The following GRIA4 variants were observed in gnomAD, a reference collection of about 807,000 sequenced individuals.
The protein encoded by GRIA4 is glutamate receptor 4.
A neutral mutation model predicts 104.0 loss-of-function variants in GRIA4; 34 were observed. The ratio of observed to expected loss-of-function variants is 0.33; its 90% CI spans 0.25 to 0.44. GRIA4 has a LOEUF of 0.44. Ranked by LOEUF, GRIA4 falls within the 20% of genes least tolerant of loss-of-function variation. GRIA4 has a pLI of 1.00. For missense variants in GRIA4, 750 were observed against 1,096.5 expected (o/e 0.68, Z 4.46); for synonymous variants, 386 against 381.9 (o/e 1.01, Z -0.13).
At chr11:105,891,830 C>T (rs761538693) in intron 6 of GRIA4, among the ~76,000 whole-genome samples, 1 of 152,146 alleles carries the variant, frequency 6.6e-6, no homozygotes, top group Non-Finnish European at 1.5e-5. Flanking sequence ...TAAAACACTG[C>T]AAGCTCACTG....
At chr11:105,708,314 G>A (rs1255983833) in intron 3 of GRIA4, among the ~76,000 whole-genome samples, 1 of 152,012 alleles carries the variant, frequency 6.6e-6, no homozygotes, top group African/African-American at 2.4e-5. Context: ...TCAACATAGG[G>A]TGGCTGGGAA....
intron 12 of GRIA4, among the ~76,000 whole-genome samples, chr11:105,925,634 T>C (rs1006707422): frequency 6.6e-6 from 1 of 152,124 alleles, no homozygotes; most frequent in Non-Finnish European, 1.5e-5. Context: ...ATAAATATGT[T>C]TAAATTCCAA....
chr11:105,687,637 T>C (rs529662565), intron 3 of GRIA4, among the ~76,000 whole-genome samples: 5 of 152,322 alleles, frequency 3.3e-5, no homozygotes, highest in Non-Finnish European at 7.3e-5. Flanking sequence ...TCTATAGATA[T>C]AAAGCATCTT....
intron 3 of GRIA4, among the ~76,000 whole-genome samples, chr11:105,712,715 T>G (rs963156389): frequency 9.5e-6 from 1 of 105,548 alleles, no homozygotes; most frequent in African/African-American, 3.4e-5. Context: ...TGCTTTGTTT[T>G]TGTTTTTTTT....
intron 6 of GRIA4, among the ~76,000 whole-genome samples, chr11:105,888,508 G>A (rs1004083735): frequency 4.0e-5 from 6 of 151,294 alleles, no homozygotes; most frequent in Non-Finnish European, 8.8e-5. Context: ...GGATGGTCTC[G>A]ATCTCCTGAC....
At chr11:105,974,523 A>G (rs1238360354) in intron 16 of GRIA4, 79 bp downstream of exon 16, 4 of 1,613,740 alleles carry the variant, frequency 2.5e-6, no homozygotes, top group Middle Eastern at 1.6e-4. Flanking sequence ...AGAAGGTTAC[A>G]ACGTATATGG....
At chr11:105,854,583 A>T (rs1320438673) in intron 4 of GRIA4, among the ~76,000 whole-genome samples, 1 of 152,160 alleles carries the variant, frequency 6.6e-6, no homozygotes, top group East Asian at 1.9e-4. Flanking sequence ...GAAATAAAAG[A>T]CATGTAAAGA....
At chr11:105,702,056 T>C (rs1953515384) in intron 3 of GRIA4, among the ~76,000 whole-genome samples, 1 of 152,056 alleles carries the variant, frequency 6.6e-6, no homozygotes, top group Admixed American at 6.6e-5. Flanking sequence ...TGCCGCAGCC[T>C]CCCAAGTAGC....
At chr11:105,943,325 T>C (rs1948227452) in intron 14 of GRIA4, among the ~76,000 whole-genome samples, 1 of 152,098 alleles carries the variant, frequency 6.6e-6, no homozygotes, top group Admixed American at 6.6e-5. Context: ...CATCAAATGT[T>C]TGGCACGGTA....
intron 4 of GRIA4, among the ~76,000 whole-genome samples, chr11:105,854,080 GTCT>G (rs756301744): frequency 6.6e-6 from 1 of 152,098 alleles, no homozygotes; most frequent in Non-Finnish European, 1.5e-5. Context: ...TAGATGCCAA[GTCT>G]TCTTCTAGGC....
chr11:105,812,264 C>A (rs1943204022), intron 4 of GRIA4, among the ~76,000 whole-genome samples: 1 of 152,120 alleles, frequency 6.6e-6, no homozygotes, highest in Non-Finnish European at 1.5e-5. Flanking sequence ...GTGTCTCCAC[C>A]CTTCACCATG....
At chr11:105,903,332 A>C (rs989542865) in intron 7 of GRIA4, among the ~76,000 whole-genome samples, 1 of 152,248 alleles carries the variant, frequency 6.6e-6, no homozygotes, top group Non-Finnish European at 1.5e-5. Context: ...GACTGAACAA[A>C]GATAGATACT....
intron 4 of GRIA4, among the ~76,000 whole-genome samples, chr11:105,834,713 T>A (rs1043949225): frequency 8.5e-5 from 3 of 35,194 alleles, no homozygotes; most frequent in Non-Finnish European, 1.8e-4. Flanking sequence ...ACAAAAAGAC[T>A]TTTTTTTTTT....
At chr11:105,886,044 T>C (rs977856898) in intron 5 of GRIA4, among the ~76,000 whole-genome samples, 27 of 152,178 alleles carry the variant, frequency 1.8e-4, no homozygotes, top group Non-Finnish European at 3.1e-4. Context: ...CAACTTGTAC[T>C]GAAACTGGAG....
At chr11:105,906,671 G>A (rs1396102100) in intron 9 of GRIA4, among the ~76,000 whole-genome samples, 1 of 152,148 alleles carries the variant, frequency 6.6e-6, no homozygotes, top group Non-Finnish European at 1.5e-5. Flanking sequence ...GTGGTAAGCT[G>A]GAGCCTACCT....
chr11:105,720,893 T>C (rs1351023310), intron 3 of GRIA4, among the ~76,000 whole-genome samples: 1 of 152,110 alleles, frequency 6.6e-6, no homozygotes, highest in Admixed American at 6.5e-5. Flanking sequence ...TATTTTGAGA[T>C]TATTTGATTT....
chr11:105,712,182 C>A (rs1020364281), intron 3 of GRIA4, among the ~76,000 whole-genome samples: 1 of 152,026 alleles, frequency 6.6e-6, no homozygotes, highest in East Asian at 1.9e-4. Context: ...GAAGGACAAC[C>A]TCAACCAATG....
chr11:105,652,809 C>T (rs541860180), intron 3 of GRIA4, among the ~76,000 whole-genome samples: 83 of 152,280 alleles, frequency 5.5e-4, no homozygotes, highest in African/African-American at 1.9e-3. Context: ...TCTCCACATA[C>T]ACTATGCTTG....
intron 4 of GRIA4, among the ~76,000 whole-genome samples, chr11:105,791,849 A>G (rs988763961): frequency 1.3e-5 from 2 of 152,192 alleles, no homozygotes; most frequent in African/African-American, 4.8e-5. Flanking sequence ...AATGTCATGA[A>G]TGCTGTATAG....
Sources: allele counts gnomAD v4.1 joint callset (sites outside exome capture counted in the v4.1 genomes callset), GRCh38; gene constraint gnomAD v4.1.1; transcripts MANE v1.5; gene names NCBI Gene and HGNC (gene_info 2026-07-23, HGNC 2026-07-21).